The following CTTNBP2NL variants were observed in gnomAD, a reference collection of about 807,000 sequenced individuals.
CTTNBP2NL encodes CTTNBP2 N-terminal like, also known as CTTNBP2 N-terminal-like protein.
A neutral mutation model predicts 32.5 loss-of-function variants in CTTNBP2NL; 16 were observed. The ratio of observed to expected loss-of-function variants is 0.49; its 90% confidence interval spans 0.33 to 0.75. CTTNBP2NL has a LOEUF of 0.75. Among genes scored for constraint, CTTNBP2NL ranks in the 30% least tolerant of loss-of-function variants. The pLI, the probability that CTTNBP2NL is intolerant of heterozygous loss-of-function variation, is 0.02. For synonymous variants in CTTNBP2NL, 298 were observed against 289.4 expected (o/e 1.03, Z -0.30); for missense variants, 645 against 756.0 (o/e 0.85, Z 1.72).
At chr1:112,423,713 A>G (rs1360183519) in intron 3 of CTTNBP2NL, among the ~76,000 whole-genome samples, 1 of 152,088 alleles carries the variant, frequency 6.6e-6, no homozygotes, top group Non-Finnish European at 1.5e-5. Flanking sequence ...ATGAAGTCCA[A>G]TTTATCAATT....
chr1:112,414,759 G>C (rs1231532795), intron 2 of CTTNBP2NL: 2 of 152,348 alleles, frequency 1.3e-5, no homozygotes, highest in Middle Eastern at 3.4e-3. Context: ...TGGTTTGTGA[G>C]AATTAGTGTT....
At chr1:112,410,317 G>A (rs1570717862) in intron 1 of CTTNBP2NL, among the ~76,000 whole-genome samples, 1 of 151,688 alleles carries the variant, frequency 6.6e-6, no homozygotes, top group East Asian at 1.9e-4. Flanking sequence ...GCTTGAACCC[G>A]GGAGGCGAAG....
upstream of CTTNBP2NL, among the ~76,000 whole-genome samples, chr1:112,391,444 C>A (rs929903875): frequency 6.6e-6 from 1 of 152,160 alleles, no homozygotes; most frequent in Non-Finnish European, 1.5e-5. Context: ...CTAGAAGGAG[C>A]CTTATGGAGT....
chr1:112,454,983 CA>C (rs1200780385), intron 5 of CTTNBP2NL, among the ~76,000 whole-genome samples: 10 of 152,106 alleles, frequency 6.6e-5, no homozygotes, highest in Non-Finnish European at 1.3e-4. Flanking sequence ...ACGCCTGAAA[CA>C]AAAATCTCAT....
intron 2 of CTTNBP2NL, among the ~76,000 whole-genome samples, chr1:112,413,869 A>C (rs1453383249): frequency 6.9e-6 from 1 of 145,976 alleles, no homozygotes; most frequent in Non-Finnish European, 1.5e-5. Flanking sequence ...CCAACATGGT[A>C]AAACCCCATC....
chr1:112,443,105 C>T (rs866841444), intron 3 of CTTNBP2NL, among the ~76,000 whole-genome samples: 12 of 152,260 alleles, frequency 7.9e-5, no homozygotes, highest in South Asian at 2.1e-4. Context: ...ACACTGTAGT[C>T]AAATAATAAT....
rs115052794 is a variant in CTTNBP2NL, at chr1:112,404,774, G to A, written c.-133-7420G>A. Among the ~76,000 whole-genome samples, 364 of 152,282 alleles carry A rather than the reference G, an allele frequency of 2.4e-3. 2 individuals are homozygous for A. The highest frequency in any genetic ancestry group is 8.0e-3 in the African/African-American group (334 of 41,556). Reference sequence around the variant, plus strand: ...CAAATTATATAGAAATGATTCAGCCGGGTGCAGTGGCTCACGCCTGTAATT... The same window carrying A: ...CAAATTATATAGAAATGATTCAGCCAGGTGCAGTGGCTCACGCCTGTAATT... On this transcript the variant is annotated intron_variant, in intron 1 of 5. Transcript: ENST00000271277.
intron 1 of CTTNBP2NL, among the ~76,000 whole-genome samples, chr1:112,397,102 G>A (rs184014200): frequency 2.1e-4 from 32 of 152,336 alleles, no homozygotes; most frequent in African/African-American, 5.3e-4. Context: ...TTCACAGTGA[G>A]GTGGGTGTGT....
intron 3 of CTTNBP2NL, among the ~76,000 whole-genome samples, chr1:112,440,163 C>T (rs1375193303): frequency 6.6e-6 from 1 of 152,170 alleles, no homozygotes; most frequent in East Asian, 1.9e-4. Flanking sequence ...AAATCATGCA[C>T]AAGTCCAGAA....
chr1:112,393,686 A>G (rs1027776257), upstream of CTTNBP2NL, among the ~76,000 whole-genome samples: 15 of 152,200 alleles, frequency 9.9e-5, no homozygotes, highest in Non-Finnish European at 2.1e-4. Flanking sequence ...TTAAAAGGAA[A>G]GCAATCTGAA....
chr1:112,408,941 A>G (rs1648770310), intron 1 of CTTNBP2NL, among the ~76,000 whole-genome samples: 1 of 152,156 alleles, frequency 6.6e-6, no homozygotes, highest in African/African-American at 2.4e-5. Flanking sequence ...AGCCTGGCCA[A>G]CATGGTGAGA....
At chr1:112,437,470 A>G (rs1201123045) in intron 3 of CTTNBP2NL, among the ~76,000 whole-genome samples, 2 of 152,084 alleles carry the variant, frequency 1.3e-5, no homozygotes, top group African/African-American at 2.4e-5. Flanking sequence ...CCACTTTTTA[A>G]TAGAATTGCT....
intron 3 of CTTNBP2NL, among the ~76,000 whole-genome samples, chr1:112,418,313 C>A (rs1041239103): frequency 3.2e-4 from 48 of 152,192 alleles, no homozygotes; most frequent in African/African-American, 1.1e-3. Flanking sequence ...CTGCAAAGTG[C>A]CAGATTGCAG....
intron 3 of CTTNBP2NL, among the ~76,000 whole-genome samples, chr1:112,435,361 G>A (rs890401845): frequency 1.3e-5 from 2 of 151,926 alleles, no homozygotes; most frequent in African/African-American, 4.8e-5. Flanking sequence ...TCCTCAGGGG[G>A]CAGGTCCTTA....
intron 3 of CTTNBP2NL, among the ~76,000 whole-genome samples, chr1:112,438,338 C>G (rs1425217648): frequency 3.9e-5 from 6 of 152,146 alleles, no homozygotes; most frequent in African/African-American, 7.2e-5. Flanking sequence ...TGATTTGGCT[C>G]TCAGCCTGGC....
chr1:112,432,024 G>C (rs1649580722), intron 3 of CTTNBP2NL, among the ~76,000 whole-genome samples: 1 of 151,276 alleles, frequency 6.6e-6, no homozygotes, highest in African/African-American at 2.4e-5. Flanking sequence ...AGTGAAAGGG[G>C]GTTACGGTCA....
At chr1:112,391,212 G>C in the CTTNBP2NL span, among the ~76,000 whole-genome samples, 1 of 152,228 alleles carries the variant, frequency 6.6e-6, no homozygotes, top group Non-Finnish European at 1.5e-5. Flanking sequence ...CTTCAGCCTG[G>C]TCCGGGGCTT....
intron 2 of CTTNBP2NL, among the ~76,000 whole-genome samples, chr1:112,414,460 C>G (rs1471921721): frequency 1.3e-5 from 2 of 152,188 alleles, no homozygotes; most frequent in Non-Finnish European, 2.9e-5. Flanking sequence ...CACAATCTAA[C>G]AACAAAGTGA....
chr1:112,454,913 A>G (rs1341855743), intron 5 of CTTNBP2NL, among the ~76,000 whole-genome samples: 7 of 152,206 alleles, frequency 4.6e-5, no homozygotes, highest in Non-Finnish European at 1.0e-4. Flanking sequence ...TTTGACTTAG[A>G]ACCCCCAGTA....
Sources: allele counts gnomAD v4.1 joint callset (sites outside exome capture counted in the v4.1 genomes callset), GRCh38; gene constraint gnomAD v4.1.1; transcripts MANE v1.5; gene names NCBI Gene and HGNC (gene_info 2026-07-23, HGNC 2026-07-21).